Variants in KIF14 observed in about 807,000 individuals in gnomAD.
KIF14 encodes kinesin family member 14, also known as kinesin-like protein KIF14.
In KIF14, 98 loss-of-function variants were observed where a neutral mutation model predicts 176.2. That is an observed-to-expected ratio of 0.56 (90% confidence interval 0.47 to 0.66). The LOEUF (loss-of-function observed/expected upper bound fraction) is 0.66. Ranked by LOEUF, KIF14 falls within the 30% of genes least tolerant of loss-of-function variation. KIF14 has a pLI of 0.00. For missense variants in KIF14, 1,751 were observed against 1,920.4 expected (o/e 0.91, Z 1.65); for synonymous variants, 566 against 632.2 (o/e 0.90, Z 1.57).
At chr1:200,553,927 T>C (rs1656693374) in intron 29 of KIF14, among the ~76,000 whole-genome samples, 160 bp from the exon 30 acceptor site, 1 of 152,198 alleles carries the variant, frequency 6.6e-6, no homozygotes. Context: ...ATTTGCTAGA[T>C]GAGCACTTGG....
At chr1:200,553,836 T>G in intron 29 of KIF14, 69 bp from the exon 30 acceptor site, 1 of 1,413,410 alleles carries the variant, frequency 7.1e-7, no homozygotes, top group South Asian at 1.4e-5. Flanking sequence ...ATGACTTTTA[T>G]AGACTCTAGA....
intron 4 of KIF14, 85 bp downstream of exon 4, chr1:200,614,233 T>G: frequency 2.9e-6 from 2 of 697,502 alleles, no homozygotes; most frequent in Non-Finnish European, 2.5e-6. Context: ...CCATTAAGTA[T>G]TTCCTTAGTG....
intron 10 of KIF14, among the ~76,000 whole-genome samples, chr1:200,602,692 C>A (rs1426060485): frequency 6.6e-6 from 1 of 152,140 alleles, no homozygotes; most frequent in Admixed American, 6.5e-5. Flanking sequence ...CCTATCACAA[C>A]TGAATATTAA....
At chr1:200,596,066 C>T (rs182077853) in intron 14 of KIF14, among the ~76,000 whole-genome samples, 4 of 152,008 alleles carry the variant, frequency 2.6e-5, no homozygotes, top group Admixed American at 2.0e-4. Context: ...CCAGCCTGGC[C>T]AACATGGTGA....
rs77213709 is a variant in KIF14 at position 200,589,292 on chromosome 1, C to T, written c.3039G>A (p.Lys1013=). ...TTTCCTGTTCAAGATGCTGCTTTGC[C>T]TTTTCTAATTCCTCAATTTTGTGAT... ...KANHKIEELE[K]AKQHLEQEIY... The change falls in exon 18 of 30, where the codon AAG becomes AAA. Residue 1013 remains lysine (K), a synonymous_variant. Coordinates refer to ENST00000367350, the MANE Select transcript of KIF14 (RefSeq NM_014875.3). 3.2e-3 allele frequency: 5,186 copies of T among 1,611,726 alleles called. 39 individuals are homozygous for T. Among genetic ancestry groups the T allele is most frequent in the South Asian group, 0.019 (1,716 of 90,904 alleles).
intron 4 of KIF14, among the ~76,000 whole-genome samples, chr1:200,611,405 G>C (rs1375025672): frequency 6.6e-6 from 1 of 152,184 alleles, no homozygotes; most frequent in Non-Finnish European, 1.5e-5. Context: ...GCAGAATATA[G>C]CTGGTGTCAT....
chr1:200,596,772 C>A (rs1659365641), intron 14 of KIF14, among the ~76,000 whole-genome samples: 1 of 151,618 alleles, frequency 6.6e-6, no homozygotes, highest in East Asian at 1.9e-4. Flanking sequence ...ACCATGTTGG[C>A]CAGGCTGATG....
At chr1:200,560,686 A>T in intron 26 of KIF14, 36 bp downstream of exon 26, 1 of 1,607,164 alleles carries the variant, frequency 6.2e-7, no homozygotes, top group Non-Finnish European at 8.5e-7. Context: ...ATGTTCCCTC[A>T]GATGAAGTCT....
intron 18 of KIF14, among the ~76,000 whole-genome samples, chr1:200,586,786 C>CATAT (rs1241334191): frequency 4.7e-5 from 4 of 85,262 alleles, no homozygotes; most frequent in African/African-American, 1.5e-4. Flanking sequence ...TATATATATA[C>CATAT]ATACATATAT....
intron 25 of KIF14, among the ~76,000 whole-genome samples, chr1:200,562,480 G>T (rs1657218132): frequency 6.6e-6 from 1 of 152,202 alleles, no homozygotes. Flanking sequence ...TTTGCCCAAG[G>T]ACGCACAACT....
intron 25 of KIF14, among the ~76,000 whole-genome samples, chr1:200,562,453 C>T (rs764378716): frequency 6.6e-6 from 1 of 152,214 alleles, no homozygotes; most frequent in Non-Finnish European, 1.5e-5. Flanking sequence ...AAACAGGAGA[C>T]TCAAAAATTT....
At chr1:200,572,235 C>T (rs979813361) in intron 22 of KIF14, among the ~76,000 whole-genome samples, 7 of 152,198 alleles carry the variant, frequency 4.6e-5, no homozygotes, top group Non-Finnish European at 8.8e-5. Flanking sequence ...TCTTAGAAAA[C>T]ATTGAGATGT....
Position 200,603,206 on chromosome 1 carries a change from A to ATACTTCAAAAG in KIF14, c.1979+9_1979+19dup. 1 of 1,370,086 alleles carries ATACTTCAAAAG rather than the reference A, an allele frequency of 7.3e-7. No homozygotes were observed. The highest frequency in any genetic ancestry group is 1.2e-5 in the South Asian group (1 of 83,768). 84.9% of individuals were successfully genotyped at this position (1,370,086 alleles called of 1,614,324 possible). The stretch of plus-strand genomic sequence containing the variant: ...TTCACTATATTTTATACAATTCTTT[A>ATACTTCAAAAG]TACTTCAAAAGATACTTGCCATGTA... On this transcript the variant is annotated intron_variant, in intron 10 of 29. Transcript: ENST00000367350.
intron 27 of KIF14, among the ~76,000 whole-genome samples, chr1:200,556,928 T>G (rs1335422542): frequency 6.6e-6 from 1 of 152,256 alleles, no homozygotes; most frequent in African/African-American, 2.4e-5. Context: ...CATGCCTATT[T>G]GAGCGCAAGC....
At position 200,560,891 on chromosome 1, in the gene KIF14, A is replaced by G. The variant is rs754852512; in HGVS notation, c.4072-11T>C. On this transcript the variant is annotated splice_polypyrimidine_tract_variant and intron_variant, in intron 25 of 29. Transcript: ENST00000367350. ...ATCCAAACAGCATCCCTGTAAGATA[A>G]AAATGGACAAGTGTATCAGATACAT... 1.3e-5 allele frequency: 21 copies of G among 1,610,826 alleles called. No homozygotes were observed. The East Asian group carries it at 3.6e-4, about 27-fold the overall frequency.
intron 21 of KIF14, 41 bp downstream of exon 21, chr1:200,580,213 T>A: frequency 8.9e-7 from 1 of 1,122,076 alleles, no homozygotes; most frequent in African/African-American, 1.6e-5. Flanking sequence ...TATACTTTTT[T>A]ATTTTAAAAA....
chr1:200,592,310 T>C (rs1659095798), intron 15 of KIF14, 70 bp from the exon 16 acceptor site: 3 of 1,285,072 alleles, frequency 2.3e-6, no homozygotes, highest in Non-Finnish European at 3.3e-6. Flanking sequence ...AAAATTTATT[T>C]TGCCCAACAA....
chr1:200,594,187 G>A (rs555537841), intron 14 of KIF14, among the ~76,000 whole-genome samples: 87 of 151,234 alleles, frequency 5.8e-4, no homozygotes, highest in African/African-American at 1.6e-3. Flanking sequence ...CACCTGCCTC[G>A]GCCTCCCAAA....
chr1:200,594,217 G>A (rs1314610632), intron 14 of KIF14, among the ~76,000 whole-genome samples: 4 of 151,746 alleles, frequency 2.6e-5, no homozygotes, highest in Non-Finnish European at 4.4e-5. Flanking sequence ...TTACAGGCAT[G>A]AGCCACTGCA....
Sources: gnomAD v4.1 joint callset for allele counts (sites outside exome capture counted in the v4.1 genomes callset) on GRCh38, gnomAD v4.1.1 for gene constraint, MANE v1.5 for transcripts, NCBI Gene and HGNC (gene_info 2026-07-23, HGNC 2026-07-21) for gene names.